MSRA: variants seen among roughly 807,000 people sequenced by gnomAD.
MSRA encodes methionine sulfoxide reductase A, also known as mitochondrial peptide methionine sulfoxide reductase.
Under a neutral mutation model 31.3 loss-of-function variants are expected in MSRA, and 54 were observed. The observed-to-expected ratio is 1.73, with a 90% CI of 1.39 to 2.17. MSRA has a LOEUF of 2.17. MSRA is among the 30% of genes most tolerant of loss of function. MSRA has a pLI of 0.00. For synonymous variants in MSRA, 169 were observed against 116.5 expected, an observed-to-expected ratio of 1.45 and a Z score of -2.90; for missense variants, 507 against 300.9, an observed-to-expected ratio of 1.69 and a Z score of -5.07.
chr8:10,297,703 G>A (rs933938357), intron 3 of MSRA, among the ~76,000 whole-genome samples: 1 of 152,210 alleles, frequency 6.6e-6, no homozygotes, highest in Non-Finnish European at 1.5e-5. Flanking sequence ...TCACTGTGCT[G>A]TTTGTCAAGG....
At chr8:10,404,242 G>C (rs78816416) in intron 5 of MSRA, among the ~76,000 whole-genome samples, 1 of 152,198 alleles carries the variant, frequency 6.6e-6, no homozygotes, top group East Asian at 1.9e-4. Context: ...AAATAGCAAG[G>C]CAGGGACCTT....
intron 1 of MSRA, among the ~76,000 whole-genome samples, chr8:10,144,597 C>T (rs1288361708): frequency 2.0e-5 from 3 of 151,664 alleles, no homozygotes; most frequent in African/African-American, 7.3e-5. Flanking sequence ...AGCGCTTCCC[C>T]CCCTCCTCCC....
chr8:10,071,931 C>G (rs112146476), intron 1 of MSRA, among the ~76,000 whole-genome samples: 1,650 of 152,270 alleles, frequency 0.011, 26 homozygotes, highest in African/African-American at 0.036. Flanking sequence ...AGAGACAGAG[C>G]AAGATCAGTT....
intron 1 of MSRA, among the ~76,000 whole-genome samples, chr8:10,119,884 G>A (rs1284520058): frequency 6.6e-6 from 1 of 152,172 alleles, no homozygotes; most frequent in African/African-American, 2.4e-5. Context: ...CAAAGGTGTG[G>A]TCAGGATTAA....
At chr8:10,092,701 C>G (rs1798918286) in intron 1 of MSRA, among the ~76,000 whole-genome samples, 1 of 151,574 alleles carries the variant, frequency 6.6e-6, no homozygotes, top group South Asian at 2.1e-4. Context: ...TCTGTTGGTA[C>G]TAGTTGATTT....
chr8:10,062,716 A>C (rs766339976), intron 1 of MSRA, among the ~76,000 whole-genome samples: 14 of 152,156 alleles, frequency 9.2e-5, no homozygotes, highest in South Asian at 2.1e-4. Context: ...TCCGGCCTAC[A>C]TTTGTGGTTA....
chr8:10,179,118 C>T (rs1806320834), intron 1 of MSRA, among the ~76,000 whole-genome samples: 1 of 152,114 alleles, frequency 6.6e-6, no homozygotes, highest in Non-Finnish European at 1.5e-5. Context: ...CAGTCAGTGC[C>T]CCATCCTGTG....
intron 1 of MSRA, among the ~76,000 whole-genome samples, chr8:10,109,696 C>T (rs1585166786): frequency 6.6e-6 from 1 of 151,646 alleles, no homozygotes; most frequent in Non-Finnish European, 1.5e-5. Flanking sequence ...GAAACTATAT[C>T]ACACTGTTTT....
intron 2 of MSRA, among the ~76,000 whole-genome samples, chr8:10,232,186 G>A (rs954321361): frequency 1.3e-5 from 2 of 152,176 alleles, no homozygotes; most frequent in Non-Finnish European, 2.9e-5. Flanking sequence ...AGCTGGAAGA[G>A]AGGGAGCATT....
intron 5 of MSRA, among the ~76,000 whole-genome samples, chr8:10,360,849 G>A (rs1804805264): frequency 6.6e-6 from 1 of 152,196 alleles, no homozygotes; most frequent in Non-Finnish European, 1.5e-5. Context: ...AGTTTCAAAT[G>A]TGGAACTGGC....
chr8:10,280,717 A>C (rs1218283859), intron 3 of MSRA, among the ~76,000 whole-genome samples: 1 of 152,236 alleles, frequency 6.6e-6, no homozygotes, highest in African/African-American at 2.4e-5. Flanking sequence ...AAGCCTGTAC[A>C]CAAATATTTA....
At chr8:10,107,026 G>C (rs535265141) in intron 1 of MSRA, among the ~76,000 whole-genome samples, 103 of 152,274 alleles carry the variant, frequency 6.8e-4, no homozygotes, top group African/African-American at 2.4e-3. Flanking sequence ...GAGTCCCTCA[G>C]TGCTGAGTGA....
chr8:10,138,173 C>G (rs955376392), intron 1 of MSRA, among the ~76,000 whole-genome samples: 1 of 152,186 alleles, frequency 6.6e-6, no homozygotes, highest in Non-Finnish European at 1.5e-5. Context: ...AGAGGCGTGA[C>G]TGGGATGTAT....
intron 1 of MSRA, among the ~76,000 whole-genome samples, chr8:10,093,729 T>C (rs761112593): frequency 1.7e-4 from 26 of 152,236 alleles, no homozygotes; most frequent in Non-Finnish European, 3.2e-4. Context: ...TATTTCTTCA[T>C]TGATTTGATT....
At chr8:10,213,326 C>T (rs1809681238) in intron 2 of MSRA, among the ~76,000 whole-genome samples, 1 of 151,304 alleles carries the variant, frequency 6.6e-6, no homozygotes, top group Non-Finnish European at 1.5e-5. Flanking sequence ...ACTTATTTCA[C>T]TTAACATAGT....
intron 5 of MSRA, among the ~76,000 whole-genome samples, chr8:10,377,151 G>A (rs908043240): frequency 7.2e-5 from 11 of 152,236 alleles, no homozygotes; most frequent in South Asian, 2.1e-4. Context: ...CGTAATGATC[G>A]CGAGTTTTTC....
chr8:10,120,790 CA>C (rs1419900691), intron 1 of MSRA, among the ~76,000 whole-genome samples: 1 of 152,184 alleles, frequency 6.6e-6, no homozygotes, highest in East Asian at 1.9e-4. Flanking sequence ...GTTCTCTCTC[CA>C]AACGCTGTGG....
At chr8:10,058,857 T>G (rs1206027669) in intron 1 of MSRA, 4 of 152,234 alleles carry the variant, frequency 2.6e-5, no homozygotes, top group Non-Finnish European at 4.4e-5. Flanking sequence ...TTAAGTGTGA[T>G]CTAGTCGTTG....
Position 10,319,979 on chromosome 8 carries a change from A to C in MSRA, c.533A>C (p.Asn178Thr). 1 of 1,597,446 alleles carries C rather than the reference A, an allele frequency of 6.3e-7. No individual in the cohort carries two copies. The highest frequency in any genetic ancestry group is 8.5e-7 in the Non-Finnish European group (1 of 1,172,126). ...QMEAALSSKE[N>T]YQKVLSEHGF... is the part of the protein sequence containing the mutation. ...GAGGCAGCCCTGAGCTCCAAAGAGAACTACCAAAAGGTAGGGATTGCTGGG... is the reference window on the plus strand; with the variant it reads ...GAGGCAGCCCTGAGCTCCAAAGAGACCTACCAAAAGGTAGGGATTGCTGGG... The change falls in exon 5 of 6, where the codon AAC becomes ACC. Residue 178 changes from asparagine (N) to threonine (T), a missense_variant. Asn to Thr is a moderately conservative substitution (Grantham distance 65, BLOSUM62 0). Coordinates refer to ENST00000317173, the MANE Select transcript of MSRA (RefSeq NM_012331.5).
Sources: allele counts gnomAD v4.1 joint callset (sites outside exome capture counted in the v4.1 genomes callset), GRCh38; gene constraint gnomAD v4.1.1; transcripts MANE v1.5; gene names NCBI Gene and HGNC (gene_info 2026-07-23, HGNC 2026-07-21).